DPP6: variants seen among roughly 807,000 people sequenced by gnomAD.
DPP6 encodes the protein dipeptidyl peptidase like 6.
A neutral mutation model predicts 122.6 loss-of-function variants in DPP6; 69 were observed. The observed-to-expected ratio is 0.56, with a 90% confidence interval of 0.46 to 0.69. The LOEUF is 0.69. DPP6 is among the 30% of genes least tolerant of loss of function. The pLI is 0.00. For synonymous variants in DPP6, 418 were observed against 433.1 expected (o/e 0.97, Z 0.43); for missense variants, 928 against 1,116.9 (o/e 0.83, Z 2.41).
intron 1 of DPP6, among the ~76,000 whole-genome samples, chr7:154,441,059 C>A (rs1165335188): frequency 2.0e-5 from 3 of 152,176 alleles, no homozygotes; most frequent in Admixed American, 1.3e-4. Flanking sequence ...GGGATGTGTA[C>A]CCGGAACATT....
chr7:154,377,565 G>T (rs750176293), intron 1 of DPP6, among the ~76,000 whole-genome samples: 6 of 152,154 alleles, frequency 3.9e-5, no homozygotes, highest in Admixed American at 6.5e-5. Context: ...CCTTCTTGCT[G>T]TTCTCCTGAT....
chr7:154,637,314 G>A (rs1835787596), intron 5 of DPP6, among the ~76,000 whole-genome samples: 2 of 152,168 alleles, frequency 1.3e-5, no homozygotes, highest in East Asian at 1.9e-4. Flanking sequence ...ACCAAAAGAT[G>A]CATATCCCGT....
rs995519582 is a variant in DPP6, at chr7:154,481,971, C to G, written c.457+6934C>G. On this transcript the variant is annotated intron_variant, in intron 3 of 25. Coordinates refer to ENST00000377770, the MANE Select transcript of DPP6 (RefSeq NM_130797.4). The surrounding 1 kb of genome is among the most constrained non-coding windows in gnomAD (Gnocchi z 4.2). ...AAAGTCCCCAGTTTGTGGCCGTCCA[C>G]GAAGACTTCTTGGGCATTTTCTCAT... is the stretch of plus-strand genomic sequence containing the variant. Among the ~76,000 whole-genome samples the G allele has an allele frequency of 2.0e-5, 3 of 152,304 alleles. No homozygotes were observed. The highest frequency in any genetic ancestry group is 1.9e-4 in the East Asian group (1 of 5,176).
intron 10 of DPP6, among the ~76,000 whole-genome samples, chr7:154,793,118 A>G (rs1320843599): frequency 2.0e-5 from 3 of 152,080 alleles, no homozygotes; most frequent in African/African-American, 4.8e-5. Context: ...CTGGCTCGCC[A>G]GGAATTGTCT....
intron 1 of DPP6, among the ~76,000 whole-genome samples, chr7:154,426,087 T>C (rs909088902): frequency 4.6e-5 from 7 of 151,990 alleles, no homozygotes; most frequent in Non-Finnish European, 8.8e-5. Flanking sequence ...ATAGAGACTA[T>C]AGATTGCTTG....
At chr7:154,509,147 T>G (rs1207341680) in intron 3 of DPP6, among the ~76,000 whole-genome samples, 1 of 152,068 alleles carries the variant, frequency 6.6e-6, no homozygotes, top group Non-Finnish European at 1.5e-5. Flanking sequence ...TTATCAAAAT[T>G]AAAAGCTTTT....
intron 1 of DPP6, among the ~76,000 whole-genome samples, chr7:154,217,889 A>T (rs1005845435): frequency 2.0e-5 from 3 of 152,198 alleles, no homozygotes; most frequent in African/African-American, 2.4e-5. Flanking sequence ...CTCAGAGGGC[A>T]GGGCTGAGGA....
Position 154,436,025 on chromosome 7 carries a change from C to T in DPP6, c.244-10189C>T, listed in dbSNP as rs1353657253. Among the ~76,000 whole-genome samples the T allele has an allele frequency of 5.3e-4, 81 of 152,066 alleles. 2 individuals are homozygous for T. The highest frequency in any genetic ancestry group is 8.8e-5 in the Non-Finnish European group (6 of 68,028). ...TTTTAAGGCACAGTGGGAGAAGGAA[C>T]CAATCCTGACCTTTCTCTAGGCACT... On this transcript the variant is annotated intron_variant, in intron 1 of 25. Transcript: ENST00000377770.
At chr7:153,838,289 C>G in the DPP6 span, among the ~76,000 whole-genome samples, 3 of 152,094 alleles carry the variant, frequency 2.0e-5, no homozygotes, top group Non-Finnish European at 4.4e-5. Context: ...GCCACAAACC[C>G]AGTGGAAGGG....
At chr7:154,756,015 G>GA (rs1332607139) in intron 8 of DPP6, among the ~76,000 whole-genome samples, 1 of 152,202 alleles carries the variant, frequency 6.6e-6, no homozygotes, top group African/African-American at 2.4e-5. Context: ...AACGTGCAGT[G>GA]AAAAAAACAA....
chr7:154,719,885 T>A (rs1417210468), intron 7 of DPP6, among the ~76,000 whole-genome samples: 1 of 152,188 alleles, frequency 6.6e-6, no homozygotes, highest in Non-Finnish European at 1.5e-5. Context: ...AGCATCAACG[T>A]GAAGGCCTCT....
intron 20 of DPP6, 171 bp downstream of exon 20, chr7:154,876,271 A>T: frequency 8.5e-7 from 1 of 1,179,142 alleles, no homozygotes; most frequent in Non-Finnish European, 1.1e-6. Context: ...AAGGAAACTT[A>T]GGAATCTTCT....
chr7:154,889,184 C>T, intron 23 of DPP6, 88 bp from the exon 24 acceptor site: 1 of 1,526,348 alleles, frequency 6.6e-7, no homozygotes, highest in Non-Finnish European at 8.8e-7. Context: ...TACACTTCAC[C>T]TACCTTCTCA....
At chr7:154,730,037 T>A (rs1220321828) in intron 8 of DPP6, among the ~76,000 whole-genome samples, 1 of 152,166 alleles carries the variant, frequency 6.6e-6, no homozygotes, top group South Asian at 2.1e-4. Flanking sequence ...TGGGGTGCAA[T>A]CCCTGAGCCT....
At chr7:154,426,380 T>C (rs186539744) in intron 1 of DPP6, among the ~76,000 whole-genome samples, 91 of 152,310 alleles carry the variant, frequency 6.0e-4, no homozygotes, top group African/African-American at 2.0e-3. Flanking sequence ...GTAACTTATT[T>C]GGTTGAGGAC....
chr7:154,396,381 C>A (rs887037131), intron 1 of DPP6, among the ~76,000 whole-genome samples: 1 of 152,014 alleles, frequency 6.6e-6, no homozygotes, highest in African/African-American at 2.4e-5. Flanking sequence ...CTGTGCTACA[C>A]GTGTGGACAG....
At chr7:154,525,675 A>G (rs61427412) in intron 3 of DPP6, among the ~76,000 whole-genome samples, 4,324 of 152,314 alleles carry the variant, frequency 0.028, 94 homozygotes, top group East Asian at 0.087. Context: ...GGTCCATACC[A>G]AATATCTAGC....
intron 1 of DPP6, among the ~76,000 whole-genome samples, chr7:154,141,173 C>T (rs1795825345): frequency 6.6e-6 from 1 of 152,176 alleles, no homozygotes; most frequent in African/African-American, 2.4e-5. Context: ...AGCTTGTGTA[C>T]AAGGATATTC....
At chr7:154,498,598 A>C (rs60364954) in intron 3 of DPP6, among the ~76,000 whole-genome samples, 8,468 of 152,212 alleles carry the variant, frequency 0.056, 771 homozygotes, top group African/African-American at 0.19. Context: ...TCAGCCTCCC[A>C]AAGTGCTGAG....
Sources: gnomAD v4.1 joint callset for allele counts (sites outside exome capture counted in the v4.1 genomes callset) on GRCh38, gnomAD v4.1.1 for gene constraint, Gnocchi (gnomAD v3.1) non-coding constraint, MANE v1.5 for transcripts, NCBI Gene and HGNC (gene_info 2026-07-23, HGNC 2026-07-21) for gene names.